Variants in DCC observed in about 807,000 individuals in gnomAD.
The protein encoded by DCC is netrin receptor DCC.
A neutral mutation model predicts 172.5 loss-of-function variants in DCC; 58 were observed. The observed-to-expected ratio is 0.34, with a 90% confidence interval of 0.27 to 0.42. The LOEUF is 0.42. Ranked by LOEUF, DCC falls within the 10% of genes least tolerant of loss-of-function variation. DCC has a pLI of 1.00. For missense variants in DCC, 1,740 were observed against 1,791.0 expected, an observed-to-expected ratio of 0.97 and a Z score of 0.51; for synonymous variants, 709 against 644.5, an observed-to-expected ratio of 1.10 and a Z score of -1.52.
chr18:53,469,202 A>C (rs2045665105), intron 25 of DCC, among the ~76,000 whole-genome samples: 1 of 152,070 alleles, frequency 6.6e-6, no homozygotes, highest in Non-Finnish European at 1.5e-5. Flanking sequence ...CTTCAGTCTC[A>C]TCTCCCTTGG....
At chr18:53,220,169 T>A (rs1568373027) in intron 12 of DCC, among the ~76,000 whole-genome samples, 1 of 152,160 alleles carries the variant, frequency 6.6e-6, no homozygotes, top group Non-Finnish European at 1.5e-5. Flanking sequence ...AAATTGCAGA[T>A]CCTCTGTGTC....
intron 5 of DCC, among the ~76,000 whole-genome samples, chr18:53,057,774 A>G (rs1318112600): frequency 6.6e-6 from 1 of 152,174 alleles, no homozygotes; most frequent in Non-Finnish European, 1.5e-5. Context: ...AAAAGCCTAA[A>G]GTAGTGAAAT....
chr18:53,048,480 C>G (rs887283611), intron 5 of DCC, among the ~76,000 whole-genome samples: 1 of 140,520 alleles, frequency 7.1e-6, no homozygotes. Context: ...CTGTGTAATA[C>G]TCCATGGTTT....
At chr18:53,259,708 G>A (rs916954206) in intron 12 of DCC, among the ~76,000 whole-genome samples, 5 of 152,116 alleles carry the variant, frequency 3.3e-5, no homozygotes, top group Non-Finnish European at 7.4e-5. Context: ...CTCCTCTGGA[G>A]GAGTATCTTT....
chr18:53,191,897 G>A (rs946715327), intron 9 of DCC, among the ~76,000 whole-genome samples: 1 of 152,106 alleles, frequency 6.6e-6, no homozygotes, highest in African/African-American at 2.4e-5. Flanking sequence ...TTGATCCAGA[G>A]CAGCACACCA....
At chr18:53,093,185 G>A (rs1456066138) in intron 7 of DCC, among the ~76,000 whole-genome samples, 1 of 152,114 alleles carries the variant, frequency 6.6e-6, no homozygotes, top group Non-Finnish European at 1.5e-5. Flanking sequence ...GCTGAGGCAG[G>A]AGAATCACTT....
intron 1 of DCC, among the ~76,000 whole-genome samples, chr18:52,599,810 G>A (rs1010821106): frequency 3.3e-5 from 5 of 152,066 alleles, no homozygotes; most frequent in African/African-American, 9.6e-5. Context: ...CACCGCGCCC[G>A]GCCTGTCTAT....
chr18:52,995,154 T>G (rs2041457944), intron 5 of DCC, among the ~76,000 whole-genome samples: 1 of 152,138 alleles, frequency 6.6e-6, no homozygotes, highest in South Asian at 2.1e-4. Context: ...TTTCAAAAGA[T>G]TTAAGAAAAC....
intron 7 of DCC, among the ~76,000 whole-genome samples, chr18:53,085,549 C>G (rs746587703): frequency 7.2e-5 from 11 of 152,176 alleles, no homozygotes; most frequent in South Asian, 4.2e-4. Flanking sequence ...AAAAATCCTA[C>G]AGGGTATTAT....
At chr18:53,092,093 C>T (rs1419035722) in intron 7 of DCC, among the ~76,000 whole-genome samples, 4 of 151,990 alleles carry the variant, frequency 2.6e-5, no homozygotes, top group Non-Finnish European at 5.9e-5. Context: ...ATAACATGTT[C>T]ATTTTTTGTG....
At chr18:52,548,890 T>C (rs1257228730) in intron 1 of DCC, among the ~76,000 whole-genome samples, 1 of 152,116 alleles carries the variant, frequency 6.6e-6, no homozygotes, top group Non-Finnish European at 1.5e-5. Flanking sequence ...AAAATGTATG[T>C]TTAGACATTG....
chr18:53,212,158 G>A (rs927983342), intron 11 of DCC, among the ~76,000 whole-genome samples: 17 of 152,124 alleles, frequency 1.1e-4, no homozygotes, highest in African/African-American at 4.1e-4. Context: ...TTACAATTAT[G>A]GGGACTTGAT....
intron 25 of DCC, chr18:53,481,114 G>A (rs1346270410): frequency 6.6e-6 from 1 of 152,142 alleles, no homozygotes; most frequent in African/African-American, 2.4e-5. Flanking sequence ...AAAACAGAGT[G>A]AGCATGTACA....
Position 53,386,132 on chromosome 18 carries a change from A to C in DCC, c.2449A>C (p.Ile817Leu). ...PLYESATTRSITDPTDPVDYY... is the reference protein window; with the variant it reads ...PLYESATTRSLTDPTDPVDYY... Reference sequence around the variant, plus strand: ...TTATGAAAGTGCCACCACCAGGTCTATAACCGGTAAGTGAAATTGTTAATC... The same window carrying C: ...TTATGAAAGTGCCACCACCAGGTCTCTAACCGGTAAGTGAAATTGTTAATC... Residue 817 changes from isoleucine to leucine, a missense_variant, in exon 16 of 29, where the codon ATA (isoleucine) becomes CTA (leucine). Around this residue, in one of 2 missense-constraint regions of DCC, gnomAD observed 1,732 missense variants for 1,767.4 expected, o/e 0.98. Coordinates refer to ENST00000442544, the MANE Select transcript of DCC (RefSeq NM_005215.4). 6.3e-7 allele frequency: 1 copy of C among 1,599,362 alleles called. No homozygotes were observed. Among genetic ancestry groups the C allele is most frequent in the Non-Finnish European group, 8.6e-7 (1 of 1,166,606 alleles).
In DCC at chr18:52,540,754, C is replaced by T. The variant is rs192607929; in HGVS notation, c.91+199876C>T. Among the ~76,000 whole-genome samples the T allele has an allele frequency of 8.6e-5, 13 of 151,788 alleles. No homozygotes were observed. In the East Asian group the frequency reaches 2.5e-3, roughly 30 times the overall value. ...CCTGTGTAGCTGGGACTACAGGCGC[C>T]CGCCACCACGCCCAGCTAATTTTTT... On this transcript the variant is annotated intron_variant, in intron 1 of 28. Coordinates refer to ENST00000442544, the MANE Select transcript of DCC (RefSeq NM_005215.4).
At chr18:53,526,907 T>C in intron 28 of DCC, 148 bp downstream of exon 28, 1 of 771,052 alleles carries the variant, frequency 1.3e-6, no homozygotes, top group East Asian at 2.6e-5. Context: ...TTTGTTTTCC[T>C]GCACTTAAAT....
intron 9 of DCC, among the ~76,000 whole-genome samples, chr18:53,201,988 T>C (rs913634193): frequency 6.6e-6 from 1 of 152,174 alleles, no homozygotes; most frequent in Non-Finnish European, 1.5e-5. Context: ...ATGAAACATA[T>C]GTACTGTCTG....
chr18:52,946,746 A>G (rs1370971143), intron 5 of DCC, among the ~76,000 whole-genome samples: 1 of 152,134 alleles, frequency 6.6e-6, no homozygotes, highest in Non-Finnish European at 1.5e-5. Flanking sequence ...AGTAACTTCC[A>G]CCCACCTTGA....
rs529372102 is a variant in DCC, at chr18:52,665,184, G to C, written c.92-86870G>C. Reference sequence around the variant, plus strand: ...AAGGTGAAGCCAGGACATTGAGTTTGATGTGTGGTTTTGGCATGGCAGGAT... The same window carrying C: ...AAGGTGAAGCCAGGACATTGAGTTTCATGTGTGGTTTTGGCATGGCAGGAT... On this transcript the variant is annotated intron_variant, in intron 1 of 28. Transcript: ENST00000442544. Among the ~76,000 whole-genome samples, 4 of 152,304 alleles carry C rather than the reference G, an allele frequency of 2.6e-5. No homozygotes were observed. The South Asian group carries it at 8.3e-4, about 32-fold the overall frequency.
Sources: gnomAD v4.1 joint callset for allele counts (sites outside exome capture counted in the v4.1 genomes callset) on GRCh38, gnomAD v4.1.1 for gene constraint, gnomAD v4.1.1 regional missense constraint, MANE v1.5 for transcripts, NCBI Gene and HGNC (gene_info 2026-07-23, HGNC 2026-07-21) for gene names.